The following PHTF2 variants were observed in gnomAD, a reference collection of about 807,000 sequenced individuals.
PHTF2 encodes putative homeodomain transcription factor 2.
Under a neutral mutation model 101.2 loss-of-function variants are expected in PHTF2, and 60 were observed. That is an observed-to-expected ratio of 0.59 (90% confidence interval 0.48 to 0.73). PHTF2 has a LOEUF of 0.73. Ranked by LOEUF, PHTF2 falls within the 30% of genes least tolerant of loss-of-function variation. The probability of loss-of-function intolerance (pLI) is 0.00; values close to 1 mark genes in which losing one functional copy is unlikely to be tolerated. For missense variants in PHTF2, 747 were observed against 908.7 expected (o/e 0.82, Z 2.29); for synonymous variants, 311 against 307.3 (o/e 1.01, Z -0.13).
chr7:77,822,232 T>A (rs1794349518), intron 1 of PHTF2, among the ~76,000 whole-genome samples: 1 of 152,138 alleles, frequency 6.6e-6, no homozygotes, highest in Non-Finnish European at 1.5e-5. Flanking sequence ...GTTTCCCTGC[T>A]GTGCAGGACT....
chr7:77,881,305 C>A (rs1458287754), intron 3 of PHTF2, among the ~76,000 whole-genome samples: 1 of 152,184 alleles, frequency 6.6e-6, no homozygotes, highest in Non-Finnish European at 1.5e-5. Flanking sequence ...TCATTACCTG[C>A]TTTTGATTCT....
intron 1 of PHTF2, among the ~76,000 whole-genome samples, chr7:77,800,211 T>C (rs1375660151): frequency 6.6e-6 from 1 of 152,180 alleles, no homozygotes; most frequent in Non-Finnish European, 1.5e-5. Flanking sequence ...GGATATGGTG[T>C]ATGGACTGCA....
chr7:77,949,599 ACAAT>A (rs1806364841), intron 16 of PHTF2, 75 bp from the exon 16 acceptor site: 1 of 713,346 alleles, frequency 1.4e-6, no homozygotes, highest in African/African-American at 1.8e-5. Context: ...AAATTTATGA[ACAAT>A]CTATGTTTAT....
Position 77,926,551 on chromosome 7 carries a change from G to C in PHTF2, c.1120-2558G>C, listed in dbSNP as rs191822143. Among the ~76,000 whole-genome samples, 554 of 151,874 alleles carry C rather than the reference G, an allele frequency of 3.6e-3. 2 individuals carry two copies. Among genetic ancestry groups the C allele is most frequent in the Non-Finnish European group, 5.6e-3 (379 of 67,998 alleles). ...TTAATAATGTACCTCATTCACTCAAGGTATTTTGTTACCTGTGGTAAGGAG... is the reference window on the plus strand; with the variant it reads ...TTAATAATGTACCTCATTCACTCAACGTATTTTGTTACCTGTGGTAAGGAG... On this transcript the variant is annotated intron_variant, in intron 11 of 19. Coordinates refer to ENST00000416283, the Ensembl canonical transcript of PHTF2.
At chr7:77,880,933 CA>C (rs891700706) in intron 3 of PHTF2, among the ~76,000 whole-genome samples, 24 of 152,276 alleles carry the variant, frequency 1.6e-4, no homozygotes, top group African/African-American at 5.8e-4. Flanking sequence ...AGGAAAAATA[CA>C]AACATAACCT....
chr7:77,818,489 G>T (rs1433991648), intron 1 of PHTF2, among the ~76,000 whole-genome samples: 1 of 152,156 alleles, frequency 6.6e-6, no homozygotes, highest in Non-Finnish European at 1.5e-5. Flanking sequence ...AGTTTTCCCA[G>T]AAGTATTTAT....
Position 77,840,208 on chromosome 7 carries a change from C to T in PHTF2, c.-35-13C>T, listed in dbSNP as rs775777290. On this transcript the variant is annotated splice_polypyrimidine_tract_variant and intron_variant, in intron 1 of 19. Transcript: ENST00000416283. ...GAAATAAAGTCATTTGTATGTTTTT[C>T]TCTCTTGCACAGCCTAAAATGACCA... is the stretch of plus-strand genomic sequence containing the variant. 2.9e-6 allele frequency: 4 copies of T among 1,393,620 alleles called. No individual in the cohort carries two copies. Among genetic ancestry groups the T allele is most frequent in the Non-Finnish European group, 4.1e-6 (4 of 982,662 alleles). The allele number at this position is 1,393,620 out of a possible 1,614,324, so 86.3% of individuals were successfully genotyped here.
At chr7:77,908,867 T>A in exon 8 of PHTF2, 1 of 1,613,004 alleles carries the variant, frequency 6.2e-7, no homozygotes. Context: ...TGGGCCGATA[T>A]GGCTGATGCT....
intron 1 of PHTF2, among the ~76,000 whole-genome samples, chr7:77,838,288 G>C (rs190451409): frequency 4.1e-4 from 62 of 152,254 alleles, no homozygotes; most frequent in African/African-American, 1.4e-3. Context: ...AAAAACCCTC[G>C]TGAGAGAAAT....
intron 9 of PHTF2, among the ~76,000 whole-genome samples, chr7:77,912,064 T>TC: frequency 6.6e-6 from 1 of 152,258 alleles, no homozygotes; most frequent in Middle Eastern, 3.4e-3. Context: ...GTATTCAGAG[T>TC]CCCCCTAAAA....
intron 1 of PHTF2, among the ~76,000 whole-genome samples, chr7:77,799,502 C>A (rs771602128): frequency 1.2e-4 from 18 of 152,176 alleles, no homozygotes; most frequent in Non-Finnish European, 4.4e-5. Context: ...TCTGAGCAGG[C>A]GGCAGTCGAG....
At chr7:77,907,899 G>A (rs1312781621) in intron 7 of PHTF2, 3 of 151,974 alleles carry the variant, frequency 2.0e-5, no homozygotes, top group African/African-American at 4.8e-5. Context: ...TGAGAGGCTC[G>A]GATAATATCT....
chr7:77,819,404 T>C (rs2150512851), intron 1 of PHTF2, among the ~76,000 whole-genome samples: 1 of 152,326 alleles, frequency 6.6e-6, no homozygotes, highest in African/African-American at 2.4e-5. Context: ...GTTGAGATAT[T>C]TTCCTTCTAT....
chr7:77,807,052 T>C (rs1280678607), intron 1 of PHTF2, among the ~76,000 whole-genome samples: 1 of 152,212 alleles, frequency 6.6e-6, no homozygotes, highest in Non-Finnish European at 1.5e-5. Context: ...TATATACATA[T>C]AATTTTTTAA....
chr7:77,904,081 T>C (rs1801636886), intron 7 of PHTF2, among the ~76,000 whole-genome samples: 1 of 152,196 alleles, frequency 6.6e-6, no homozygotes, highest in Non-Finnish European at 1.5e-5. Flanking sequence ...CATTTACCTA[T>C]TAAATGACAA....
chr7:77,887,252 T>A (rs1799943479), intron 3 of PHTF2, among the ~76,000 whole-genome samples: 13 of 152,154 alleles, frequency 8.5e-5, no homozygotes, highest in Admixed American at 8.5e-4. Flanking sequence ...AGTGTTCATT[T>A]TCCTGTTAGA....
intron 11 of PHTF2, among the ~76,000 whole-genome samples, chr7:77,925,112 T>A (rs1302437869): frequency 6.6e-6 from 1 of 152,216 alleles, no homozygotes; most frequent in Non-Finnish European, 1.5e-5. Context: ...AAGGTAACAT[T>A]TGATGAGAAG....
At chr7:77,866,705 T>G (rs1798096430) in intron 3 of PHTF2, among the ~76,000 whole-genome samples, 1 of 152,220 alleles carries the variant, frequency 6.6e-6, no homozygotes, top group African/African-American at 2.4e-5. Flanking sequence ...AATAATATGT[T>G]AGGTATTTTT....
intron 2 of PHTF2, among the ~76,000 whole-genome samples, chr7:77,848,442 C>T (rs1259891718): frequency 6.6e-6 from 1 of 152,160 alleles, no homozygotes; most frequent in Admixed American, 6.5e-5. Context: ...TTTTGATTTG[C>T]ATTTCTCTGA....
Sources: gnomAD v4.1 joint callset for allele counts (sites outside exome capture counted in the v4.1 genomes callset) on GRCh38, gnomAD v4.1.1 for gene constraint, MANE v1.5 for transcripts, NCBI Gene and HGNC (gene_info 2026-07-23, HGNC 2026-07-21) for gene names.